GBE1: variants seen among roughly 807,000 people sequenced by gnomAD.
GBE1 encodes 1,4-alpha-glucan-branching enzyme.
A neutral mutation model predicts 88.8 loss-of-function variants in GBE1; 70 were observed. That is an observed-to-expected ratio of 0.79 (90% confidence interval 0.65 to 0.96). The LOEUF (loss-of-function observed/expected upper bound fraction) is 0.96. GBE1 is among the 40% of genes least tolerant of loss of function. The probability of loss-of-function intolerance (pLI) is 0.00; values close to 1 mark genes in which losing one functional copy is unlikely to be tolerated. For synonymous variants in GBE1, 284 were observed against 300.1 expected, an observed-to-expected ratio of 0.95 and a Z score of 0.56; for missense variants, 872 against 871.0, an observed-to-expected ratio of 1.00 and a Z score of -0.01.
chr3:81,605,104 T>C (rs561175811), intron 7 of GBE1, among the ~76,000 whole-genome samples: 2 of 152,220 alleles, frequency 1.3e-5, no homozygotes, highest in African/African-American at 4.8e-5. Context: ...TATTGAAAAT[T>C]TCCCCAAATG....
In GBE1 at chr3:81,754,631, T is replaced by C. The variant is rs115608860; in HGVS notation, c.143+6744A>G. ...TGGTACTGGCATAAAAACAGACACATAGACTAATGGAACAGAATGGAGAAC... is the reference window on the plus strand; with the variant it reads ...TGGTACTGGCATAAAAACAGACACACAGACTAATGGAACAGAATGGAGAAC... On this transcript the variant is annotated intron_variant, in intron 1 of 15. Transcript: ENST00000429644. Among the ~76,000 whole-genome samples the C allele has an allele frequency of 2.4e-3, 366 of 151,618 alleles. 5 individuals carry two copies. The highest frequency in any genetic ancestry group is 8.5e-3 in the African/African-American group (351 of 41,354).
chr3:81,537,201 G>T, intron 12 of GBE1, 106 bp from the exon 13 acceptor site: 2 of 785,722 alleles, frequency 2.5e-6, no homozygotes, highest in South Asian at 3.0e-5. Flanking sequence ...TTTAGTTTAG[G>T]CTATCATTTA....
chr3:81,707,211 G>C (rs952421552), intron 1 of GBE1, among the ~76,000 whole-genome samples: 3 of 151,842 alleles, frequency 2.0e-5, no homozygotes, highest in African/African-American at 4.8e-5. Context: ...TAAAAGAAAT[G>C]AGTCTATAGA....
intron 7 of GBE1, among the ~76,000 whole-genome samples, chr3:81,599,880 G>A (rs1704009092): frequency 2.0e-5 from 3 of 152,096 alleles, no homozygotes; most frequent in South Asian, 4.1e-4. Flanking sequence ...GCTTTAAAGA[G>A]CTTATTTTAA....
chr3:81,575,177 A>C lies in GBE1; in HGVS notation c.1618+2748T>G, dbSNP rs924527561. On this transcript the variant is annotated intron_variant, in intron 12 of 15. Transcript: ENST00000429644. Reference sequence around the variant, plus strand: ...GAGACTCCATCTCAAAAAAAAAAAAAAAAGTAGAGAATGCTATGTCGATGT... The same window carrying C: ...GAGACTCCATCTCAAAAAAAAAAAACAAAGTAGAGAATGCTATGTCGATGT... 1.8e-4 allele frequency among the ~76,000 whole-genome samples: 28 copies of C among 151,996 alleles called. 1 individual carries two copies. The highest frequency in any genetic ancestry group is 4.6e-4 in the Admixed American group (7 of 15,242).
chr3:81,592,078 G>T (rs1253425867), intron 8 of GBE1, among the ~76,000 whole-genome samples: 1 of 151,984 alleles, frequency 6.6e-6, no homozygotes, highest in Non-Finnish European at 1.5e-5. Context: ...GGCATACATT[G>T]TGTACTGATT....
At chr3:81,732,169 A>G (rs1450087159) in intron 1 of GBE1, among the ~76,000 whole-genome samples, 6 of 152,178 alleles carry the variant, frequency 3.9e-5, no homozygotes, top group South Asian at 2.1e-4. Flanking sequence ...ACGAATATAC[A>G]TAACACTATG....
At chr3:81,523,227 A>G (rs1393309246) in intron 14 of GBE1, among the ~76,000 whole-genome samples, 1 of 150,738 alleles carries the variant, frequency 6.6e-6, no homozygotes, top group Non-Finnish European at 1.5e-5. Flanking sequence ...TAAAGTTAAT[A>G]TATTAATATA....
chr3:81,750,577 G>GTA (rs199515105), intron 1 of GBE1, among the ~76,000 whole-genome samples: 784 of 35,098 alleles, frequency 0.022, 95 homozygotes, highest in African/African-American at 0.1. Flanking sequence ...ATATATATAC[G>GTA]TATATATATA....
At chr3:81,679,166 A>G (rs1466643822) in intron 2 of GBE1, among the ~76,000 whole-genome samples, 2 of 152,172 alleles carry the variant, frequency 1.3e-5, no homozygotes, top group African/African-American at 4.8e-5. Flanking sequence ...ATAAAAAAAT[A>G]AAAATGAATG....
At chr3:81,682,671 C>G (rs1705367516) in intron 2 of GBE1, among the ~76,000 whole-genome samples, 2 of 152,060 alleles carry the variant, frequency 1.3e-5, no homozygotes, top group Non-Finnish European at 2.9e-5. Context: ...TAATACAGTG[C>G]AGCCCCTTTG....
At chr3:81,739,433 T>C (rs1482769828) in intron 1 of GBE1, among the ~76,000 whole-genome samples, 1 of 152,084 alleles carries the variant, frequency 6.6e-6, no homozygotes, top group African/African-American at 2.4e-5. Context: ...CCAGGTAAAT[T>C]TTATATACTA....
intron 1 of GBE1, among the ~76,000 whole-genome samples, chr3:81,709,520 A>T (rs1057439335): frequency 4.6e-5 from 7 of 152,218 alleles, no homozygotes; most frequent in African/African-American, 1.7e-4. Flanking sequence ...TGATTTTCCA[A>T]AAAGGTATAA....
intron 14 of GBE1, among the ~76,000 whole-genome samples, chr3:81,532,619 A>G (rs1311218635): frequency 6.6e-6 from 1 of 152,046 alleles, no homozygotes; most frequent in Admixed American, 6.6e-5. Flanking sequence ...GAGAACTTTT[A>G]CTAAAGCCTA....
chr3:81,582,311 T>C (rs1271487338), intron 10 of GBE1, among the ~76,000 whole-genome samples: 1 of 152,072 alleles, frequency 6.6e-6, no homozygotes, highest in Non-Finnish European at 1.5e-5. Flanking sequence ...AAGAGAAAGA[T>C]TTGAAGATGC....
rs1375626423 is a variant in GBE1 at position 81,733,201 on chromosome 3, G to A, written c.144-27588C>T. Among the ~76,000 whole-genome samples, 3 of 151,946 alleles carry A rather than the reference G, an allele frequency of 2.0e-5. No homozygotes were observed. The highest frequency in any genetic ancestry group is 4.4e-5 in the Non-Finnish European group (3 of 67,998). Reference sequence around the variant, plus strand: ...AACAGGGTTCACATAGAACCCTACTGTGAACTGCACATGCAAGGGATCTAA... The same window carrying A: ...AACAGGGTTCACATAGAACCCTACTATGAACTGCACATGCAAGGGATCTAA... On this transcript the variant is annotated intron_variant, in intron 1 of 15. Transcript: ENST00000429644. The surrounding 1 kb of genome is among the most constrained non-coding windows in gnomAD (Gnocchi z 4.0).
chr3:81,656,981 C>T lies in GBE1; in HGVS notation c.430-7060G>A, dbSNP rs1019348495. ...GACCAGCCTGATCCATATGGAGAAA[C>T]GCCGTCTCTACTAAAAATACAAAAA... On this transcript the variant is annotated intron_variant, in intron 3 of 15. Transcript: ENST00000429644. Among the ~76,000 whole-genome samples, 18 of 151,974 alleles carry T rather than the reference C, an allele frequency of 1.2e-4. No homozygotes were observed. The South Asian group carries it at 1.7e-3, about 14-fold the overall frequency.
chr3:81,750,589 GTATATATATA>G (rs1225112913), intron 1 of GBE1, among the ~76,000 whole-genome samples: 1 of 30,820 alleles, frequency 3.2e-5, no homozygotes, highest in Non-Finnish European at 5.3e-5. Flanking sequence ...ATATATATAC[GTATATATATA>G]TGTGTATATA....
chr3:81,586,009 T>C (rs953406344), intron 10 of GBE1, 83 bp downstream of exon 10: 16 of 758,030 alleles, frequency 2.1e-5, no homozygotes, highest in Non-Finnish European at 3.2e-5. Context: ...CTGTAACTAA[T>C]GATTACAACT....
Sources: allele counts gnomAD v4.1 joint callset (sites outside exome capture counted in the v4.1 genomes callset), GRCh38; gene constraint gnomAD v4.1.1; non-coding constraint Gnocchi (gnomAD v3.1); transcripts MANE v1.5; gene names NCBI Gene and HGNC (gene_info 2026-07-23, HGNC 2026-07-21).